ST18: variants seen among roughly 807,000 people sequenced by gnomAD.
ST18 encodes the protein suppression of tumorigenicity 18 protein.
In ST18, 50 loss-of-function variants were observed where a neutral mutation model predicts 110.0. The observed-to-expected ratio is 0.45, with a 90% CI of 0.36 to 0.58. The LOEUF (loss-of-function observed/expected upper bound fraction) is 0.58. ST18 is among the 20% of genes least tolerant of loss of function. The pLI is 0.00. For missense variants in ST18, 1,306 were observed against 1,280.1 expected (o/e 1.02, Z -0.31); for synonymous variants, 461 against 452.4 (o/e 1.02, Z -0.24).
chr8:52,234,828 G>A (rs1173506217), intron 2 of ST18, among the ~76,000 whole-genome samples: 1 of 151,872 alleles, frequency 6.6e-6, no homozygotes, highest in East Asian at 1.9e-4. Flanking sequence ...CCTGGATGGG[G>A]TTGGAGACCA....
At chr8:52,173,726 G>A (rs1001326239) in intron 9 of ST18, among the ~76,000 whole-genome samples, 1 of 152,222 alleles carries the variant, frequency 6.6e-6, no homozygotes, top group South Asian at 2.1e-4. Context: ...TCAAAAGCAG[G>A]GTGGGGGGAT....
intron 7 of ST18, 67 bp downstream of exon 7, chr8:52,214,136 A>C: frequency 1.3e-6 from 2 of 1,503,488 alleles, no homozygotes; most frequent in Non-Finnish European, 1.9e-6. Context: ...CGAGGGACTG[A>C]GCACTGGAAC....
intron 2 of ST18, among the ~76,000 whole-genome samples, chr8:52,371,080 C>T (rs1044476817): frequency 8.5e-5 from 13 of 152,100 alleles, no homozygotes; most frequent in African/African-American, 1.7e-4. Flanking sequence ...TAATACTGTG[C>T]GGTGGTTTTA....
At chr8:52,114,608 G>T (rs1455237978) in intron 25 of ST18, among the ~76,000 whole-genome samples, 1 of 152,194 alleles carries the variant, frequency 6.6e-6, no homozygotes, top group East Asian at 1.9e-4. Context: ...GTCCAATCAT[G>T]ATTCTCTGTC....
chr8:52,278,606 A>C (rs773861323), intron 2 of ST18, among the ~76,000 whole-genome samples: 3 of 152,196 alleles, frequency 2.0e-5, no homozygotes, highest in Non-Finnish European at 2.9e-5. Flanking sequence ...TTGGAAAGAA[A>C]TGCTCATTAT....
At chr8:52,368,541 T>A (rs1309496966) in intron 2 of ST18, among the ~76,000 whole-genome samples, 1 of 152,208 alleles carries the variant, frequency 6.6e-6, no homozygotes, top group Non-Finnish European at 1.5e-5. Flanking sequence ...AAGGACATCA[T>A]GTTTAAACAT....
intron 2 of ST18, among the ~76,000 whole-genome samples, chr8:52,338,335 G>T (rs1813169266): frequency 6.6e-6 from 1 of 152,040 alleles, no homozygotes; most frequent in Admixed American, 6.5e-5. Context: ...TGGGATTACA[G>T]GCATGAGCCA....
chr8:52,130,082 GAGAA>G (rs1221522082), intron 22 of ST18, among the ~76,000 whole-genome samples: 8 of 99,904 alleles, frequency 8.0e-5, no homozygotes, highest in African/African-American at 3.0e-4. Context: ...GAGAGAGAGA[GAGAA>G]AGAAAGAAAA....
intron 2 of ST18, among the ~76,000 whole-genome samples, chr8:52,316,277 A>G (rs2096023793): frequency 6.6e-6 from 1 of 152,204 alleles, no homozygotes; most frequent in Admixed American, 6.5e-5. Context: ...AATATGACGA[A>G]GTAGAATTTC....
intron 2 of ST18, among the ~76,000 whole-genome samples, chr8:52,338,509 G>A (rs576761144): frequency 1.7e-4 from 26 of 151,424 alleles, no homozygotes; most frequent in Admixed American, 5.3e-4. Context: ...CTGCAGCCTC[G>A]ACCTCCTGGG....
intron 6 of ST18, among the ~76,000 whole-genome samples, chr8:52,215,792 G>C (rs1242986536): frequency 1.3e-5 from 2 of 152,144 alleles, no homozygotes; most frequent in Admixed American, 6.5e-5. Context: ...AAAATGGCTT[G>C]GTTTACTCAG....
At chr8:52,349,236 C>T (rs115154247) in intron 2 of ST18, among the ~76,000 whole-genome samples, 2,597 of 152,238 alleles carry the variant, frequency 0.017, 67 homozygotes, top group African/African-American at 0.059. Flanking sequence ...CTGGTGGAGA[C>T]GTGGTAGACA....
At chr8:52,185,033 G>A (rs999817125) in intron 8 of ST18, among the ~76,000 whole-genome samples, 2 of 152,150 alleles carry the variant, frequency 1.3e-5, no homozygotes, top group Admixed American at 6.5e-5. Flanking sequence ...ATTATTATTT[G>A]TAGAGGTATG....
intron 2 of ST18, among the ~76,000 whole-genome samples, chr8:52,255,684 A>G (rs1166900472): frequency 6.6e-6 from 1 of 152,236 alleles, no homozygotes; most frequent in African/African-American, 2.4e-5. Context: ...ATCTTATAAG[A>G]GCAAACTCTA....
chr8:52,208,733 G>C (rs1218823932), intron 8 of ST18, among the ~76,000 whole-genome samples: 4 of 152,226 alleles, frequency 2.6e-5, no homozygotes, highest in African/African-American at 9.6e-5. Context: ...CAGGAGAATG[G>C]CGTGAGCCCG....
chr8:52,127,190 AT>A (rs911220853), intron 22 of ST18, among the ~76,000 whole-genome samples: 48 of 152,194 alleles, frequency 3.2e-4, no homozygotes, highest in African/African-American at 1.2e-3. Flanking sequence ...TAATTACTGT[AT>A]TTTTTCAAGA....
intron 12 of ST18, among the ~76,000 whole-genome samples, chr8:52,164,682 A>G (rs1480636364): frequency 1.3e-5 from 2 of 152,198 alleles, no homozygotes; most frequent in African/African-American, 4.8e-5. Context: ...GCTAGTTGCA[A>G]TTTCAGTGAA....
Position 52,158,958 on chromosome 8 carries a change from G to A in ST18, c.1746C>T (p.Ser582=), listed in dbSNP as rs2060704174. 2 of 1,614,046 alleles carry A rather than the reference G, an allele frequency of 1.2e-6. No homozygotes were observed. Among genetic ancestry groups the A allele is most frequent in the Non-Finnish European group, 1.7e-6 (2 of 1,179,922 alleles). The part of the protein sequence containing the change: ...IAAAAAILNL[S]TRCREATDIL... The stretch of plus-strand genomic sequence containing the variant: ...TGTCTGTGGCTTCCCTGCAGCGGGT[G>A]GAAAGGTTCAGGATGGCAGCAGCTG... Residue 582 remains serine (S), a synonymous_variant, in exon 15 of 26, where the codon TCC becomes TCT. Transcript: ENST00000689386.
intron 2 of ST18, among the ~76,000 whole-genome samples, chr8:52,265,220 T>C (rs1564366217): frequency 1.3e-5 from 2 of 152,198 alleles, no homozygotes; most frequent in African/African-American, 2.4e-5. Flanking sequence ...AGGAGCCTGG[T>C]ATATTTGAAA....
Sources: allele counts gnomAD v4.1 joint callset (sites outside exome capture counted in the v4.1 genomes callset), GRCh38; gene constraint gnomAD v4.1.1; transcripts MANE v1.5; gene names NCBI Gene and HGNC (gene_info 2026-07-23, HGNC 2026-07-21).